Variants in KAZN observed in about 807,000 individuals in gnomAD.
The protein encoded by KAZN is kazrin, periplakin interacting protein, also known as kazrin.
In KAZN, 40 loss-of-function variants were observed where a neutral mutation model predicts 87.4. The observed-to-expected ratio is 0.46, with a 90% CI of 0.36 to 0.60. The LOEUF is 0.60. KAZN is among the 20% of genes least tolerant of loss of function. The pLI, the probability that KAZN is intolerant of heterozygous loss-of-function variation, is 0.00. For missense variants in KAZN, 898 were observed against 1,073.9 expected (o/e 0.84, Z 2.29); for synonymous variants, 466 against 458.3 (o/e 1.02, Z -0.22).
At chr1:14,792,072 A>T (rs1208106950) in intron 1 of KAZN, among the ~76,000 whole-genome samples, 1 of 152,134 alleles carries the variant, frequency 6.6e-6, no homozygotes, top group Non-Finnish European at 1.5e-5. Context: ...CACCCCAAGC[A>T]CAGGGCTGCC....
At chr1:14,449,881 C>G (rs74059519) in intron 2 of KAZN, among the ~76,000 whole-genome samples, 4,595 of 152,162 alleles carry the variant, frequency 0.03, 237 homozygotes, top group African/African-American at 0.1. Flanking sequence ...GTTTAATGAG[C>G]CCCTTCTGAC....
chr1:14,519,590 G>A (rs1335312051), intron 2 of KAZN, among the ~76,000 whole-genome samples: 1 of 152,162 alleles, frequency 6.6e-6, no homozygotes, highest in Non-Finnish European at 1.5e-5. Context: ...CCACTTTTGA[G>A]TTTCTAAAGC....
At chr1:14,265,654 T>A (rs1331809559) in intron 2 of KAZN, among the ~76,000 whole-genome samples, 1 of 152,116 alleles carries the variant, frequency 6.6e-6, no homozygotes, top group African/African-American at 2.4e-5. Flanking sequence ...GAACCCTCAG[T>A]GTGGAAATTT....
chr1:14,053,946 A>G (rs928534715), intron 1 of KAZN, among the ~76,000 whole-genome samples: 1 of 152,236 alleles, frequency 6.6e-6, no homozygotes, highest in Non-Finnish European at 1.5e-5. Flanking sequence ...TAAGGGAAGC[A>G]TAAGGAAGAG....
chr1:14,944,775 C>T (rs1273223353), intron 1 of KAZN, among the ~76,000 whole-genome samples: 1 of 152,220 alleles, frequency 6.6e-6, no homozygotes, highest in Non-Finnish European at 1.5e-5. Flanking sequence ...GAGAAGTGAG[C>T]ACTTGGAAGG....
intron 1 of KAZN, among the ~76,000 whole-genome samples, chr1:14,736,254 G>GGT (rs528070001): frequency 0.011 from 1,250 of 115,260 alleles, 10 homozygotes; most frequent in African/African-American, 0.028. Context: ...GGGACTCAAG[G>GGT]GTGTGTGTGT....
intron 2 of KAZN, among the ~76,000 whole-genome samples, chr1:14,442,396 A>G (rs1327780143): frequency 2.6e-5 from 4 of 152,372 alleles, no homozygotes; most frequent in Admixed American, 2.0e-4. Context: ...TTTTAGCTGC[A>G]GGAACAGGGA....
At chr1:14,972,136 A>G (rs1665118809) in intron 2 of KAZN, among the ~76,000 whole-genome samples, 1 of 152,162 alleles carries the variant, frequency 6.6e-6, no homozygotes, top group South Asian at 2.1e-4. Flanking sequence ...AGGCTCTCCA[A>G]ATGCCTTTCA....
At chr1:13,915,994 A>G (rs1222053127) in intron 1 of KAZN, among the ~76,000 whole-genome samples, 1 of 151,912 alleles carries the variant, frequency 6.6e-6, no homozygotes, top group African/African-American at 2.4e-5. Flanking sequence ...CATTGGTGGA[A>G]GCTGTGGCAG....
chr1:14,610,192 C>CTGTTTGTTTGTT (rs59330567), intron 1 of KAZN, among the ~76,000 whole-genome samples: 2 of 151,202 alleles, frequency 1.3e-5, no homozygotes, highest in African/African-American at 2.5e-5. Flanking sequence ...TTCCAATGAC[C>CTGTTTGTTTGTT]TGTTTGTTTG....
chr1:14,601,851 G>A (rs904933910), intron 1 of KAZN, among the ~76,000 whole-genome samples: 6 of 152,144 alleles, frequency 3.9e-5, no homozygotes, highest in Admixed American at 6.5e-5. Flanking sequence ...AAATGCAACC[G>A]TGTAAGTCAT....
chr1:14,753,987 G>T (rs1644485084), intron 1 of KAZN, among the ~76,000 whole-genome samples: 2 of 152,110 alleles, frequency 1.3e-5, no homozygotes, highest in African/African-American at 4.8e-5. Flanking sequence ...CGCAAATGTG[G>T]GTGACCAGAG....
At chr1:14,581,216 C>T (rs996653837) in intron 2 of KAZN, among the ~76,000 whole-genome samples, 1 of 152,194 alleles carries the variant, frequency 6.6e-6, no homozygotes, top group Non-Finnish European at 1.5e-5. Context: ...TCAGCATACA[C>T]TCTATCCCCA....
rs369052409 is a variant in KAZN at position 14,075,404 on chromosome 1, A to G, written c.92-105031A>G. 2.5e-3 allele frequency among the ~76,000 whole-genome samples: 381 copies of G among 152,296 alleles called. 3 individuals carry two copies. The highest frequency in any genetic ancestry group is 8.6e-3 in the African/African-American group (359 of 41,574). On this transcript the variant is annotated intron_variant, in intron 1 of 16. Coordinates refer to the KAZN transcript ENST00000636203. ...TGTGGATCACCTTTGTCGCAAGAGA[A>G]GAGAAAATGAATTTCTTTAGAAGGT...
chr1:14,794,392 G>A (rs1645769742), intron 1 of KAZN, among the ~76,000 whole-genome samples: 1 of 152,194 alleles, frequency 6.6e-6, no homozygotes, highest in South Asian at 2.1e-4. Context: ...ACAGGCAACA[G>A]ATCTCTGGAT....
At chr1:14,069,529 A>C (rs1259383536) in intron 1 of KAZN, among the ~76,000 whole-genome samples, 1 of 152,212 alleles carries the variant, frequency 6.6e-6, no homozygotes, top group Non-Finnish European at 1.5e-5. Flanking sequence ...AAATAAACTC[A>C]AATGATAGTG....
chr1:14,782,864 T>C (rs1645398678), intron 1 of KAZN, among the ~76,000 whole-genome samples: 1 of 152,108 alleles, frequency 6.6e-6, no homozygotes, highest in South Asian at 2.1e-4. Flanking sequence ...TTACAGATTA[T>C]AGCAGCAGGC....
intron 1 of KAZN, among the ~76,000 whole-genome samples, chr1:14,890,407 G>A (rs1046475978): frequency 5.9e-5 from 9 of 152,160 alleles, no homozygotes; most frequent in African/African-American, 1.9e-4. Flanking sequence ...GTGGGACATC[G>A]TCCCGCTGCA....
intron 1 of KAZN, among the ~76,000 whole-genome samples, chr1:14,896,189 G>C (rs926962285): frequency 6.6e-6 from 1 of 151,894 alleles, no homozygotes; most frequent in African/African-American, 2.4e-5. Flanking sequence ...CGAGTAGCTG[G>C]GACTACAGGC....
Sources: allele counts gnomAD v4.1 joint callset (sites outside exome capture counted in the v4.1 genomes callset), GRCh38; gene constraint gnomAD v4.1.1; transcripts MANE v1.5; gene names NCBI Gene and HGNC (gene_info 2026-07-23, HGNC 2026-07-21).